Variants in ADCK5 observed in about 807,000 individuals in gnomAD.
ADCK5 encodes uncharacterized aarF domain-containing protein kinase 5.
A neutral mutation model predicts 64.9 loss-of-function variants in ADCK5; 43 were observed. The observed-to-expected ratio is 0.66, with a 90% CI of 0.52 to 0.85. The LOEUF (loss-of-function observed/expected upper bound fraction) is 0.85. ADCK5 is among the 40% of genes least tolerant of loss of function. ADCK5 has a pLI of 0.00. For missense variants in ADCK5, 760 were observed against 810.5 expected, an observed-to-expected ratio of 0.94 and a Z score of 0.76; for synonymous variants, 434 against 342.8, an observed-to-expected ratio of 1.27 and a Z score of -2.94.
At chr8:144,390,128 G>A (rs564935600) in intron 3 of ADCK5, among the ~76,000 whole-genome samples, 8 of 151,860 alleles carry the variant, frequency 5.3e-5, no homozygotes, top group Non-Finnish European at 1.0e-4. Flanking sequence ...ACTGTGCCCA[G>A]CTCTGCAGAT....
At chr8:144,386,468 C>A (rs1819933034) in intron 3 of ADCK5, among the ~76,000 whole-genome samples, 1 of 151,996 alleles carries the variant, frequency 6.6e-6, no homozygotes, top group South Asian at 2.1e-4. Flanking sequence ...AGCGATTCTC[C>A]TGTCTTAGCC....
chr8:144,387,265 C>T (rs570046311), intron 3 of ADCK5, among the ~76,000 whole-genome samples: 1 of 152,338 alleles, frequency 6.6e-6, no homozygotes, highest in Non-Finnish European at 1.5e-5. Context: ...AGGAATCACA[C>T]AGGAGTGACA....
rs1820345140 is a variant in ADCK5 at position 144,392,605 on chromosome 8, C to T, written c.1428C>T (p.Pro476=). 1 of 1,584,118 alleles carries T rather than the reference C, an allele frequency of 6.3e-7. No individual in the cohort carries two copies. The highest frequency in any genetic ancestry group is 8.6e-7 in the Non-Finnish European group (1 of 1,169,508). Reference sequence around the variant, plus strand: ...CGGTGCTCAGGGAGCTGCCGCGGCCCATGCTGCTGGTGCTGCGCAACATCA... The same window carrying T: ...CGGTGCTCAGGGAGCTGCCGCGGCCTATGCTGCTGGTGCTGCGCAACATCA... ...VMAVLRELPR[P]MLLVLRNINT... Residue 476 remains proline (P), a synonymous_variant, in exon 13 of 15, where the codon CCC becomes CCT. Transcript: ENST00000308860.
intron 12 of ADCK5, 47 bp downstream of exon 12, chr8:144,392,392 C>A: frequency 1.3e-6 from 2 of 1,487,346 alleles, no homozygotes; most frequent in Non-Finnish European, 1.8e-6. Context: ...GGGAGTCGGG[C>A]GGCGCGGAAC....
intron 3 of ADCK5, among the ~76,000 whole-genome samples, chr8:144,389,496 GGAGT>G (rs1384030188): frequency 1.4e-4 from 21 of 152,306 alleles, no homozygotes; most frequent in African/African-American, 4.1e-4. Context: ...AGGGTGGCAG[GGAGT>G]GAGGGTGGCA....
intron 3 of ADCK5, among the ~76,000 whole-genome samples, chr8:144,383,923 C>T (rs999202477): frequency 1.2e-4 from 16 of 132,808 alleles, no homozygotes; most frequent in Non-Finnish European, 1.7e-4. Flanking sequence ...GACAGAGTCT[C>T]GCTCTGTCAC....
intron 1 of ADCK5, among the ~76,000 whole-genome samples, chr8:144,378,306 G>A (rs1216683068): frequency 5.3e-5 from 8 of 152,152 alleles, no homozygotes; most frequent in African/African-American, 1.4e-4. Flanking sequence ...TCTGAGTCGC[G>A]ATTCCCAGTG....
upstream of ADCK5, chr8:144,373,813 C>T (rs575992251): frequency 3.3e-5 from 12 of 360,180 alleles, no homozygotes; most frequent in East Asian, 4.5e-4. Context: ...CCGGCAGGTG[C>T]CTGCCCGGGG....
At chr8:144,378,924 C>G (rs1397547810) in intron 1 of ADCK5, among the ~76,000 whole-genome samples, 1 of 151,128 alleles carries the variant, frequency 6.6e-6, no homozygotes, top group African/African-American at 2.4e-5. Flanking sequence ...CCCAGTCTTG[C>G]TTGGGTAGTT....
intron 1 of ADCK5, chr8:144,375,515 G>C: frequency 1.0e-6 from 1 of 985,416 alleles, no homozygotes; most frequent in Non-Finnish European, 1.2e-6. Flanking sequence ...TGCTGCGGCC[G>C]GGCCTGTCTG....
chr8:144,391,323 G>C, intron 6 of ADCK5, 38 bp from the exon 7 acceptor site: 1 of 1,612,336 alleles, frequency 6.2e-7, no homozygotes, highest in Non-Finnish European at 8.5e-7. Context: ...GGGGCACAGT[G>C]GGGCCCCAAG....
chr8:144,380,516 AC>A (rs1819564521), intron 2 of ADCK5, among the ~76,000 whole-genome samples: 1 of 16,902 alleles, frequency 5.9e-5, no homozygotes. Flanking sequence ...GGGTGTAGAA[AC>A]AGATGTGTGC....
chr8:144,391,640 C>T lies in ADCK5; in HGVS notation c.859C>T (p.Arg287Cys), dbSNP rs782266725. ...CGAGAATGAGGGCCGCAACGCAGAG[C>T]GCTGTGCGCGGGAGCTGGCGCACTT... ...DFENEGRNAE[R>C]CARELAHFPY... The change falls in exon 8 of 15, where the codon CGC (arginine) becomes TGC (cysteine). Residue 287 changes from arginine (R) to cysteine (C), a missense_variant. Arg to Cys is a radical substitution (Grantham distance 180). Transcript: ENST00000308860. 3 of 1,553,616 alleles carry T rather than the reference C, an allele frequency of 1.9e-6. No individual in the cohort carries two copies. Among genetic ancestry groups the T allele is most frequent in the Admixed American group, 1.9e-5 (1 of 52,164 alleles).
chr8:144,382,885 C>T (rs926359399), intron 2 of ADCK5, among the ~76,000 whole-genome samples, 196 bp from the exon 3 acceptor site: 2 of 152,226 alleles, frequency 1.3e-5, no homozygotes, highest in East Asian at 1.9e-4. Context: ...CATCTGGTGC[C>T]GGGCTTTGGT....
chr8:144,373,938 C>G (rs1261680219), upstream of ADCK5: 2 of 857,750 alleles, frequency 2.3e-6, no homozygotes, highest in African/African-American at 3.5e-5. Flanking sequence ...GCCGCGGAGG[C>G]CGGCACGACT....
Position 144,392,795 on chromosome 8 carries a change from C to T in ADCK5, c.1540C>T (p.Arg514Cys), listed in dbSNP as rs782124358. ...GTGCAGGGCTGTCCGGGGCTGGAGC[C>T]GCCTGGCGGGCGCCACGTATCGGGG... is the stretch of plus-strand genomic sequence containing the variant. ...MAKRAVRGWS[R>C]LAGATYRGVY... The change falls in exon 14 of 15, where the codon CGC becomes TGC. Residue 514 changes from arginine to cysteine, a missense_variant. Physicochemically the swap from Arg to Cys is radical, Grantham distance 180. Transcript: ENST00000308860. The T allele has an allele frequency of 1.9e-6, 3 of 1,592,580 alleles. No homozygotes were observed. The highest frequency in any genetic ancestry group is 2.6e-6 in the Non-Finnish European group (3 of 1,174,072).
chr8:144,390,624 G>A, intron 3 of ADCK5, 47 bp from the exon 4 acceptor site: 1 of 1,595,100 alleles, frequency 6.3e-7, no homozygotes, highest in South Asian at 1.1e-5. Context: ...CAAGCACCGG[G>A]GCCCCGAGCC....
chr8:144,389,004 G>A (rs555029867), intron 3 of ADCK5, among the ~76,000 whole-genome samples: 11 of 152,314 alleles, frequency 7.2e-5, no homozygotes, highest in African/African-American at 2.6e-4. Context: ...CCTTGGAGAA[G>A]CCACTCTGAC....
chr8:144,392,775 G>A lies in ADCK5; in HGVS notation c.1521-1G>A, dbSNP rs1554861537. The A allele has an allele frequency of 1.3e-6, 2 of 1,592,096 alleles. No individual in the cohort carries two copies. The highest frequency in any genetic ancestry group is 1.7e-6 in the Non-Finnish European group (2 of 1,173,376). On this transcript the variant is annotated splice_acceptor_variant, in intron 13 of 14. Coordinates refer to ENST00000308860, the MANE Select transcript of ADCK5 (RefSeq NM_174922.5). LOFTEE classifies it high-confidence loss of function. ...CGCGGCGCTAACGCGGGTGTGTGCA[G>A]GGCTGTCCGGGGCTGGAGCCGCCTG...
Sources: allele counts gnomAD v4.1 joint callset (sites outside exome capture counted in the v4.1 genomes callset), GRCh38; gene constraint gnomAD v4.1.1; transcripts MANE v1.5; gene names NCBI Gene and HGNC (gene_info 2026-07-23, HGNC 2026-07-21).